Variants in ANO7 observed in about 807,000 individuals in gnomAD.
ANO7 encodes anoctamin-7.
ANO7 carries 114 observed loss-of-function variants against 115.8 expected under a neutral mutation model. That is an observed-to-expected ratio of 0.98 (90% CI 0.85 to 1.15). The LOEUF is 1.15. Ranked by LOEUF, ANO7 falls within the 50% of genes most tolerant of loss-of-function variation. The probability of loss-of-function intolerance (pLI) is 0.00; values close to 1 mark genes in which losing one functional copy is unlikely to be tolerated. For synonymous variants in ANO7, 550 were observed against 498.2 expected, an observed-to-expected ratio of 1.10 and a Z score of -1.38; for missense variants, 1,302 against 1,201.2, an observed-to-expected ratio of 1.08 and a Z score of -1.24.
In ANO7 at chr2:241,203,858, G is replaced by A. The variant is rs1165164204; in HGVS notation, c.889+360G>A. Among the ~76,000 whole-genome samples the A allele has an allele frequency of 6.6e-6, 1 of 152,054 alleles. No homozygotes were observed. The highest frequency in any genetic ancestry group is 1.5e-5 in the Non-Finnish European group (1 of 67,982). ...TCGCCCCTGCCTGGGTCCAGGCCAA[G>A]CCTCTCATCTCCTCCAAGCAGGCCA... On this transcript the variant is annotated intron_variant, in intron 9 of 24. Transcript: ENST00000674324. The surrounding 1 kb of genome is among the most constrained non-coding windows in gnomAD (Gnocchi z 4.8).
At chr2:241,208,288 G>A (rs12471760) in intron 11 of ANO7, among the ~76,000 whole-genome samples, 5,240 of 152,292 alleles carry the variant, frequency 0.034, 540 homozygotes, top group Admixed American at 0.2. Context: ...TCACAGGCCC[G>A]GGGCCAGAGT....
At chr2:241,209,989 C>T (rs2068683758) in intron 13 of ANO7, among the ~76,000 whole-genome samples, 1 of 152,232 alleles carries the variant, frequency 6.6e-6, no homozygotes, top group East Asian at 1.9e-4. Flanking sequence ...ACCTCTCACT[C>T]CCCTGCCAAG....
At chr2:241,209,179 G>T in intron 11 of ANO7, 106 bp from the exon 12 acceptor site, 1 of 1,294,956 alleles carries the variant, frequency 7.7e-7, no homozygotes, top group South Asian at 1.5e-5. Flanking sequence ...CACAGTCGGG[G>T]GATGTGTGTG....
In ANO7 at chr2:241,203,311, C is replaced by G; in HGVS notation, c.724-22C>G. 6.6e-7 allele frequency: 1 copy of G among 1,505,312 alleles called. No homozygotes were observed. The highest frequency in any genetic ancestry group is 8.9e-7 in the Non-Finnish European group (1 of 1,127,606). 93.2% of individuals were successfully genotyped at this position (1,505,312 alleles called of 1,614,324 possible). A position where few individuals can be genotyped will look rare whatever the true frequency, so the allele number is the denominator to read the frequency against. On this transcript the variant is annotated intron_variant, in intron 8 of 24. Transcript: ENST00000674324. This position sits in a 1 kb window ranked among gnomAD's most constrained non-coding sequence, Gnocchi z 4.8. The stretch of plus-strand genomic sequence containing the variant: ...TGGGGTCAGCTGGGGGAGCCTCCCA[C>G]CCACAGGCCGCTCGCCCCCAGGGCC...
intron 1 of ANO7, among the ~76,000 whole-genome samples, chr2:241,189,373 G>A (rs750993162): frequency 6.6e-6 from 1 of 152,148 alleles, no homozygotes; most frequent in Non-Finnish European, 1.5e-5. Flanking sequence ...GGTCATCGTC[G>A]CAGCTCCAAA....
rs562211325 is a variant in ANO7 at position 241,209,270 on chromosome 2, C to T, written c.1078-15C>T. On this transcript the variant is annotated splice_polypyrimidine_tract_variant and intron_variant, in intron 11 of 24. Transcript: ENST00000674324. Reference sequence around the variant, plus strand: ...AGTCCCAAGCAAGTCTGGACGCCCCCGCTCCCTGCCACAGGCCGGCCGGCT... The same window carrying T: ...AGTCCCAAGCAAGTCTGGACGCCCCTGCTCCCTGCCACAGGCCGGCCGGCT... 4.7e-5 allele frequency: 72 copies of T among 1,546,150 alleles called. No individual in the cohort carries two copies. Among genetic ancestry groups the T allele is most frequent in the South Asian group, 1.5e-4 (13 of 84,014 alleles).
At chr2:241,215,525 T>C (rs1240566171) in intron 18 of ANO7, among the ~76,000 whole-genome samples, 1 of 152,248 alleles carries the variant, frequency 6.6e-6, no homozygotes, top group African/African-American at 2.4e-5. Context: ...GGAATAGCAG[T>C]TGGGAGATGG....
rs772749850 is a variant in ANO7, at chr2:241,218,252, CCTT to C, written c.2195_2197del (p.Phe732del). On this transcript the variant is annotated inframe_deletion, in exon 21 of 25. Coordinates refer to ENST00000674324, the MANE Select transcript of ANO7 (RefSeq NM_001370694.2). The stretch of plus-strand genomic sequence containing the variant: ...TCCGGCGCCCAGGCCTTCCTCCTGG[CCTT>C]CTCGTCCGACTTCCTGCCGCGCGCC... The C allele has an allele frequency of 3.3e-6, 5 of 1,524,504 alleles. No homozygotes were observed. In the African/African-American group the frequency reaches 7.2e-5, roughly 22 times the overall value. 94.4% of individuals were successfully genotyped at this position (1,524,504 alleles called of 1,614,324 possible).
intron 17 of ANO7, among the ~76,000 whole-genome samples, chr2:241,213,392 G>A (rs2068759096): frequency 6.6e-6 from 1 of 152,262 alleles, no homozygotes; most frequent in African/African-American, 2.4e-5. Context: ...GTATCTCTGA[G>A]AGCCAGGCGT....
downstream of ANO7, chr2:241,229,509 G>A (rs2305069): frequency 8.0e-3 from 7,365 of 916,012 alleles, 283 homozygotes; most frequent in East Asian, 0.084. Flanking sequence ...AACAATTTAC[G>A]GAGGGTCCAG....
chr2:241,219,768 C>G (rs2068965741), intron 21 of ANO7, among the ~76,000 whole-genome samples: 1 of 136,522 alleles, frequency 7.3e-6, no homozygotes, highest in South Asian at 2.5e-4. Flanking sequence ...GAGATGGGGT[C>G]TTACTATGTT....
At chr2:241,189,584 G>A (rs2068140225) in intron 1 of ANO7, among the ~76,000 whole-genome samples, 1 of 152,144 alleles carries the variant, frequency 6.6e-6, no homozygotes. Flanking sequence ...GGGGAGCTCA[G>A]GGCCTATGGG....
chr2:241,218,363 C>G lies in ANO7; in HGVS notation c.2303C>G (p.Ala768Gly), dbSNP rs1345816353. The change falls in exon 21 of 25, where the codon GCG (alanine) becomes GGG (glycine). Residue 768 changes from alanine to glycine, a missense_variant. Transcript: ENST00000674324. ...LARAPSSFAA[A>G]HNRTCRYRAF... ...CGAGCCCCGTCCTCCTTCGCCGCCG[C>G]GCACAACCGCACGTGCAGGTGAGCC... 2.7e-6 allele frequency: 4 copies of G among 1,459,980 alleles called. No homozygotes were observed. The highest frequency in any genetic ancestry group is 2.3e-5 in the Admixed American group (1 of 42,872). The allele number at this position is 1,459,980 out of a possible 1,614,324, so 90.4% of individuals were successfully genotyped here. A position where few individuals can be genotyped will look rare whatever the true frequency, so the allele number is the denominator to read the frequency against.
intron 21 of ANO7, among the ~76,000 whole-genome samples, chr2:241,221,041 AAATGAT>A (rs2068999369): frequency 6.6e-6 from 1 of 151,868 alleles, no homozygotes; most frequent in African/African-American, 2.4e-5. Context: ...AAATCAAAGA[AAATGAT>A]ATTTTTATTT....
chr2:241,228,072 G>A (rs900776621), downstream of ANO7: 1 of 152,212 alleles, frequency 6.6e-6, no homozygotes, highest in African/African-American at 2.4e-5. Flanking sequence ...TCAAGAATTC[G>A]AGTCTGAAGA....
At chr2:241,209,720 C>T (rs371079514) in intron 13 of ANO7, 85 bp downstream of exon 13, 7 of 1,473,278 alleles carry the variant, frequency 4.8e-6, no homozygotes, top group South Asian at 4.2e-5. Flanking sequence ...ACCTTGGTGC[C>T]GTGGCCAGAT....
At chr2:241,197,947 G>A (rs1426799766) in intron 4 of ANO7, among the ~76,000 whole-genome samples, 2 of 152,140 alleles carry the variant, frequency 1.3e-5, no homozygotes, top group Admixed American at 6.5e-5. Flanking sequence ...CACCACGCCC[G>A]GCCTCACCTC....
In ANO7 at chr2:241,212,623, G is replaced by A; in HGVS notation, c.1725G>A (p.Glu575=). ...NYHTLFGVRN[E]ECAAGGCLIE... is the part of the protein sequence containing the mutation. ...ACACCTTGTTTGGAGTCCGCAATGAGGAGGTGAGTGTGCCTGAGGCCCGGG... is the reference window on the plus strand; with the variant it reads ...ACACCTTGTTTGGAGTCCGCAATGAAGAGGTGAGTGTGCCTGAGGCCCGGG... Residue 575 remains glutamate, a synonymous_variant, in exon 17 of 25, where the codon GAG becomes GAA. Coordinates refer to ENST00000674324, the MANE Select transcript of ANO7 (RefSeq NM_001370694.2). 1 of 1,612,664 alleles carries A rather than the reference G, an allele frequency of 6.2e-7. No homozygotes were observed. Among genetic ancestry groups the A allele is most frequent in the South Asian group, 1.1e-5 (1 of 90,602 alleles).
chr2:241,208,282 A>G (rs563851175), intron 11 of ANO7, among the ~76,000 whole-genome samples: 1 of 152,356 alleles, frequency 6.6e-6, no homozygotes, highest in African/African-American at 2.4e-5. Context: ...TTATTCTCAC[A>G]GGCCCGGGGC....
Sources: gnomAD v4.1 joint callset for allele counts (sites outside exome capture counted in the v4.1 genomes callset) on GRCh38, gnomAD v4.1.1 for gene constraint, Gnocchi (gnomAD v3.1) non-coding constraint, MANE v1.5 for transcripts, NCBI Gene and HGNC (gene_info 2026-07-23, HGNC 2026-07-21) for gene names.